Variants in PCDHA3 observed in about 807,000 individuals in gnomAD.
The protein encoded by PCDHA3 is protocadherin alpha-3.
In PCDHA3, 41 loss-of-function variants were observed where a neutral mutation model predicts 62.2. The ratio of observed to expected loss-of-function variants is 0.66; its 90% CI spans 0.51 to 0.86. PCDHA3 has a LOEUF of 0.86. PCDHA3 is among the 40% of genes least tolerant of loss of function. The pLI is 0.00. For synonymous variants in PCDHA3, 640 were observed against 555.4 expected (o/e 1.15, Z -2.14); for missense variants, 1,304 against 1,241.2 (o/e 1.05, Z -0.76).
chr5:140,849,974 G>C lies in PCDHA3; in HGVS notation c.2394+46383G>C, dbSNP rs190398483. The C allele has an allele frequency of 8.8e-6, 14 of 1,597,556 alleles. 2 individuals are homozygous for C. In the South Asian group the frequency reaches 1.4e-4, roughly 16 times the overall value. ...AGGAGAACGCCCTGGTGTCCTACTC[G>C]CTGGTGGAGCGGCGGTTGGGCGAGC... is the stretch of plus-strand genomic sequence containing the variant. On this transcript the variant is annotated intron_variant, in intron 1 of 3. Transcript: ENST00000522353.
chr5:141,010,124 G>A lies in PCDHA3; in HGVS notation c.*187G>A. ...GGTTTTGTCGTAAAAGCTTTACTAAGTCTGGTGTTAACTCTTTCTCTCCAC... is the reference window on the plus strand; with the variant it reads ...GGTTTTGTCGTAAAAGCTTTACTAAATCTGGTGTTAACTCTTTCTCTCCAC... On this transcript the variant is annotated 3_prime_UTR_variant, in exon 4 of 4. Coordinates refer to ENST00000522353, the MANE Select transcript of PCDHA3 (RefSeq NM_018906.3). The A allele has an allele frequency of 1.2e-6, 2 of 1,605,172 alleles. No homozygotes were observed. The highest frequency in any genetic ancestry group is 1.7e-6 in the Non-Finnish European group (2 of 1,175,146).
intron 1 of PCDHA3, among the ~76,000 whole-genome samples, chr5:140,837,700 C>A (rs1554136606): frequency 1.3e-5 from 2 of 151,152 alleles, no homozygotes; most frequent in Non-Finnish European, 2.9e-5. Flanking sequence ...TCAAGACACG[C>A]TCTCACTCCA....
intron 1 of PCDHA3, chr5:140,850,488 G>T: frequency 6.3e-7 from 1 of 1,598,176 alleles, no homozygotes. Context: ...CACGGCCACT[G>T]TGCTGGTGTC....
chr5:140,851,571 A>C (rs1036529099), intron 1 of PCDHA3: 1 of 908,760 alleles, frequency 1.1e-6, no homozygotes, highest in Admixed American at 6.3e-5. Context: ...TTTTGTCTAC[A>C]CTTAGAACAT....
rs906170025 is a variant in PCDHA3 at position 140,935,893 on chromosome 5, T to C, written c.2395-43056T>C. Among the ~76,000 whole-genome samples, 23 of 129,968 alleles carry C rather than the reference T, an allele frequency of 1.8e-4. 1 individual carries two copies. In the Admixed American group the frequency reaches 1.8e-3, roughly 10 times the overall value. The allele number at this position is 129,968 out of a possible 152,430, so 85.3% of individuals were successfully genotyped here. A position where few individuals can be genotyped will look rare whatever the true frequency, so the allele number is the denominator to read the frequency against. ...AATGAGCTCCAATTTATCAATATTA[T>C]CTTTTTTTTTTTTTTTTGAGACAGA... On this transcript the variant is annotated intron_variant, in intron 1 of 3. Transcript: ENST00000522353.
At chr5:140,825,989 G>A (rs1261302386) in intron 1 of PCDHA3, 1 of 152,210 alleles carries the variant, frequency 6.6e-6, no homozygotes, top group Non-Finnish European at 1.5e-5. Context: ...GGATTTATAG[G>A]TAGTAAATAG....
chr5:140,932,406 T>C (rs1235222855), intron 1 of PCDHA3, among the ~76,000 whole-genome samples: 1 of 151,924 alleles, frequency 6.6e-6, no homozygotes, highest in East Asian at 1.9e-4. Flanking sequence ...CATACCAATG[T>C]TATATTAGTG....
intron 1 of PCDHA3, chr5:140,828,088 T>G (rs2150150812): frequency 1.3e-6 from 2 of 1,592,494 alleles, no homozygotes; most frequent in Admixed American, 3.5e-5. Context: ...CAGAGGTATT[T>G]GACATGGTGT....
At chr5:140,806,977 T>C (rs1170849994) in intron 1 of PCDHA3, 1 of 627,878 alleles carries the variant, frequency 1.6e-6, no homozygotes, top group African/African-American at 1.8e-5. Flanking sequence ...CTACTTACGG[T>C]TTGGAGCCAC....
chr5:140,869,407 T>G, intron 1 of PCDHA3: 4 of 1,614,120 alleles, frequency 2.5e-6, no homozygotes, highest in African/African-American at 1.3e-5. Context: ...GAGCGCGGAG[T>G]GCAGCATCCA....
intron 1 of PCDHA3, among the ~76,000 whole-genome samples, chr5:140,959,089 C>T (rs150796442): frequency 0.023 from 3,565 of 152,100 alleles, 49 homozygotes; most frequent in Middle Eastern, 0.034. Context: ...TCCTTGGTTT[C>T]GGACATTCAG....
chr5:140,857,073 A>G (rs782238591), intron 1 of PCDHA3: 1 of 1,596,904 alleles, frequency 6.3e-7, no homozygotes, highest in East Asian at 2.2e-5. Context: ...CTACTGGATG[A>G]AAATGATAAT....
At position 140,968,115 on chromosome 5, in the gene PCDHA3, C is replaced by T. The variant is rs199565711; in HGVS notation, c.2395-10834C>T. On this transcript the variant is annotated intron_variant, in intron 1 of 3. Coordinates refer to ENST00000522353, the MANE Select transcript of PCDHA3 (RefSeq NM_018906.3). ...ACAGATGGGGGAATACCGCAGCTCACATCCCTGCGTACACTGAAGGTTGAG... is the reference window on the plus strand; with the variant it reads ...ACAGATGGGGGAATACCGCAGCTCATATCCCTGCGTACACTGAAGGTTGAG... 8.7e-6 allele frequency: 14 copies of T among 1,614,068 alleles called. No individual in the cohort carries two copies. In the Admixed American group the frequency reaches 1.2e-4, roughly 13 times the overall value.
At position 140,857,846 on chromosome 5, in the gene PCDHA3, T is replaced by C. The variant is rs782107328; in HGVS notation, c.2394+54255T>C. 6.3e-6 allele frequency: 10 copies of C among 1,597,716 alleles called. 1 individual carries two copies. Among genetic ancestry groups the C allele is most frequent in the Non-Finnish European group, 8.6e-6 (10 of 1,167,514 alleles). ...TAAGGTGCGCGCAGTGGACGCTGAC[T>C]CTGGATACAACGCGTGGCTGTCGTA... is the stretch of plus-strand genomic sequence containing the variant. On this transcript the variant is annotated intron_variant, in intron 1 of 3. Coordinates refer to ENST00000522353, the MANE Select transcript of PCDHA3 (RefSeq NM_018906.3).
chr5:140,913,552 T>A (rs1474729453), intron 1 of PCDHA3, among the ~76,000 whole-genome samples: 1 of 152,166 alleles, frequency 6.6e-6, no homozygotes, highest in African/African-American at 2.4e-5. Context: ...GTTTTGTTGA[T>A]CTCTTGTATT....
intron 3 of PCDHA3, among the ~76,000 whole-genome samples, chr5:141,001,535 G>A (rs2098024806): frequency 6.6e-6 from 1 of 152,182 alleles, no homozygotes; most frequent in South Asian, 2.1e-4. Flanking sequence ...TCTGATCCTG[G>A]ACAGGATTTG....
At chr5:140,990,962 T>C (rs2097423975) in intron 3 of PCDHA3, among the ~76,000 whole-genome samples, 2 of 152,180 alleles carry the variant, frequency 1.3e-5, no homozygotes, top group Non-Finnish European at 2.9e-5. Context: ...AATAGTCTCT[T>C]AGAACAAGAG....
At chr5:140,853,171 G>T (rs2150529478) in intron 1 of PCDHA3, 1 of 965,252 alleles carries the variant, frequency 1.0e-6, no homozygotes, top group Non-Finnish European at 1.3e-6. Flanking sequence ...GAGCCACCGC[G>T]CCTGGCCTAA....
intron 1 of PCDHA3, chr5:140,883,560 G>C: frequency 6.2e-7 from 1 of 1,614,184 alleles, no homozygotes; most frequent in South Asian, 1.1e-5. Flanking sequence ...CGGGACGGGG[G>C]CTCGCCTTCG....
Sources: gnomAD v4.1 joint callset for allele counts (sites outside exome capture counted in the v4.1 genomes callset) on GRCh38, gnomAD v4.1.1 for gene constraint, MANE v1.5 for transcripts, NCBI Gene and HGNC (gene_info 2026-07-23, HGNC 2026-07-21) for gene names.